The following NOTCH4 variants were observed in gnomAD, a reference collection of about 807,000 sequenced individuals.
NOTCH4 encodes neurogenic locus notch homolog protein 4.
NOTCH4 carries 138 observed loss-of-function variants against 189.0 expected under a neutral mutation model. The observed-to-expected ratio is 0.73, with a 90% CI of 0.64 to 0.84. NOTCH4 has a LOEUF of 0.84. NOTCH4 is among the 40% of genes least tolerant of loss of function. NOTCH4 has a pLI of 0.00. For synonymous variants in NOTCH4, 942 were observed against 1,032.8 expected (o/e 0.91, Z 1.69); for missense variants, 2,286 against 2,605.4 (o/e 0.88, Z 2.67).
chr6:32,198,651 G>A lies in NOTCH4; in HGVS notation c.4615C>T (p.Gln1539Ter), dbSNP rs1174632202. The A allele has an allele frequency of 6.2e-7, 1 of 1,611,772 alleles. No homozygotes were observed. Among genetic ancestry groups the A allele is most frequent in the East Asian group, 2.2e-5 (1 of 44,884 alleles). ...CATTCTTGCCCCAGCCCTTTCACCTGGCCCACCTCCTCTCCCTCCTCAGGG... is the reference window on the plus strand; with the variant it reads ...CATTCTTGCCCCAGCCCTTTCACCTAGCCCACCTCCTCTCCCTCCTCAGGG... ...SGPEEGEEVG[Q>*]AEETGPPSTC... The change falls in exon 25 of 30, where the codon CAG (glutamine) becomes TAG (stop). Residue 1539 changes from glutamine to a stop codon, truncating the protein, a stop_gained and splice_region_variant. Coordinates refer to ENST00000375023, the MANE Select transcript of NOTCH4 (RefSeq NM_004557.4). LOFTEE classifies it high-confidence loss of function. This position sits in a 1 kb window ranked among gnomAD's most constrained non-coding sequence, Gnocchi z 5.5.
chr6:32,218,133 C>A, intron 8 of NOTCH4, 25 bp from the exon 9 acceptor site: 2 of 1,481,716 alleles, frequency 1.3e-6, no homozygotes, highest in Non-Finnish European at 1.9e-6. Context: ...ACCATGAGGG[C>A]TGTGGCTCAG....
Position 32,200,744 on chromosome 6 carries a change from C to T in NOTCH4, c.4315+87G>A, listed in dbSNP as rs1788284419. ...AAGAACATTTTCAGTCTCAGCTGTCCTGTTTGATTCAGCCTCCATTGCCTG... is the reference window on the plus strand; with the variant it reads ...AAGAACATTTTCAGTCTCAGCTGTCTTGTTTGATTCAGCCTCCATTGCCTG... On this transcript the variant is annotated intron_variant, in intron 23 of 29. Coordinates refer to ENST00000375023, the MANE Select transcript of NOTCH4 (RefSeq NM_004557.4). This position sits in a 1 kb window ranked among gnomAD's most constrained non-coding sequence, Gnocchi z 5.0. The T allele has an allele frequency of 8.8e-7, 1 of 1,137,172 alleles. No homozygotes were observed. Among genetic ancestry groups the T allele is most frequent in the South Asian group, 1.6e-5 (1 of 62,510 alleles). The allele number at this position is 1,137,172 out of a possible 1,614,324, so 70.4% of individuals were successfully genotyped here.
In NOTCH4 at chr6:32,220,395, A is replaced by G; in HGVS notation, c.1159+10T>C. ...TACCTCCCACCTCCTGATACCCTCTACCCCCATACCTGTGCGTCCAGGTGG... is the reference window on the plus strand; with the variant it reads ...TACCTCCCACCTCCTGATACCCTCTGCCCCCATACCTGTGCGTCCAGGTGG... On this transcript the variant is annotated intron_variant, in intron 6 of 29. Coordinates refer to ENST00000375023, the MANE Select transcript of NOTCH4 (RefSeq NM_004557.4). 3.1e-6 allele frequency: 5 copies of G among 1,613,340 alleles called. No individual in the cohort carries two copies. Among genetic ancestry groups the G allele is most frequent in the Non-Finnish European group, 3.4e-6 (4 of 1,179,546 alleles).
chr6:32,219,868 G>C (rs902783016), intron 7 of NOTCH4, 82 bp from the exon 8 acceptor site: 2 of 1,218,194 alleles, frequency 1.6e-6, no homozygotes, highest in African/African-American at 3.0e-5. Flanking sequence ...AAGGTGTGGG[G>C]GCCTGCGTGT....
intron 18 of NOTCH4, among the ~76,000 whole-genome samples, chr6:32,206,197 A>G (rs1321199715): frequency 1.3e-5 from 2 of 152,156 alleles, no homozygotes; most frequent in Non-Finnish European, 2.9e-5. Flanking sequence ...TCAAGGTAAT[A>G]CTGGAAGTCC....
intron 18 of NOTCH4, among the ~76,000 whole-genome samples, chr6:32,205,697 G>T (rs1361788174): frequency 1.3e-5 from 2 of 151,712 alleles, no homozygotes; most frequent in African/African-American, 4.8e-5. Context: ...GAAAAAAGAG[G>T]GTAGGTTAGG....
At position 32,210,929 on chromosome 6, in the gene NOTCH4, G is replaced by A. The variant is rs1333571242; in HGVS notation, c.2688C>T (p.Asp896=). 9.4e-6 allele frequency: 15 copies of A among 1,589,932 alleles called. No homozygotes were observed. The highest frequency in any genetic ancestry group is 9.1e-5 in the South Asian group (8 of 87,878). ...CTCCATTGTGGCAAAGGGAAGAGAC[G>A]TCTATGCCTGGGGAGAGAGACAAAC... The part of the protein sequence containing the change: ...CQKAALSQGI[D]VSSLCHNGGL... Residue 896 remains aspartate, a synonymous_variant, in exon 18 of 30, where the codon GAC becomes GAT. Transcript: ENST00000375023. This position sits in a 1 kb window ranked among gnomAD's most constrained non-coding sequence, Gnocchi z 4.8.
rs1463865867 is a variant in NOTCH4 at position 32,197,054 on chromosome 6, G to T, written c.5071C>A (p.Gln1691Lys). The T allele has an allele frequency of 1.2e-6, 2 of 1,612,684 alleles. No homozygotes were observed. Among genetic ancestry groups the T allele is most frequent in the Admixed American group, 1.7e-5 (1 of 60,016 alleles). The stretch of plus-strand genomic sequence containing the variant: ...TCTGTGCGAGCGTCCACTGCAGTTT[G>T]TCTGCTACGGAGCAGAAGCTGGGGA... The part of the protein sequence containing the change: ...EVCQLLLRSR[Q>K]TAVDARTEDG... The change falls in exon 28 of 30, where the codon CAA (glutamine) becomes AAA (lysine). Residue 1691 changes from glutamine to lysine, a missense_variant. Physicochemically the swap from Gln to Lys is moderately conservative, Grantham distance 53 (BLOSUM62 1). This residue lies in a region of NOTCH4 where 1,903 missense variants were observed against 2,261.9 expected (regional missense o/e 0.84). Coordinates refer to ENST00000375023, the MANE Select transcript of NOTCH4 (RefSeq NM_004557.4).
intron 1 of NOTCH4, 88 bp downstream of exon 1, chr6:32,223,768 G>T: frequency 1.5e-6 from 2 of 1,316,604 alleles, no homozygotes; most frequent in South Asian, 1.3e-5. Context: ...TCCCTCACAC[G>T]GCCTGGGGCT....
chr6:32,218,166 T>A, intron 8 of NOTCH4, 58 bp from the exon 9 acceptor site: 1 of 1,148,656 alleles, frequency 8.7e-7, no homozygotes, highest in Non-Finnish European at 1.3e-6. Context: ...GGGAGACCTG[T>A]GTTCTAGAAT....
Position 32,212,348 on chromosome 6 carries a change from C to T in NOTCH4, c.2680+126G>A. ...CCTCTGCAATCAAGAACTGATTTGTCTGTGTGGTTTTGATTCTCAGATGGT... is the reference window on the plus strand; with the variant it reads ...CCTCTGCAATCAAGAACTGATTTGTTTGTGTGGTTTTGATTCTCAGATGGT... On this transcript the variant is annotated intron_variant, in intron 17 of 29. Transcript: ENST00000375023. The surrounding 1 kb of genome is among the most constrained non-coding windows in gnomAD (Gnocchi z 4.4). 1.2e-6 allele frequency: 1 copy of T among 837,088 alleles called. No homozygotes were observed. Among genetic ancestry groups the T allele is most frequent in the Non-Finnish European group, 1.9e-6 (1 of 527,938 alleles). The allele number at this position is 837,088 out of a possible 1,614,324, so 51.9% of individuals were successfully genotyped here. A position where few individuals can be genotyped will look rare whatever the true frequency, so the allele number is the denominator to read the frequency against.
chr6:32,198,951 G>A lies in NOTCH4; in HGVS notation c.4510C>T (p.Leu1504=). Reference sequence around the variant, plus strand: ...TTGAGACCAATGCTGTCCTCGCCTAGTGGGGGCCGGCGTCGGTGGGGAGCT... The same window carrying A: ...TTGAGACCAATGCTGTCCTCGCCTAATGGGGGCCGGCGTCGGTGGGGAGCT... ...QSAPHRRRPP[L]GEDSIGLKAL... The change falls in exon 24 of 30, where the codon CTA becomes TTA. Residue 1504 remains leucine (L), a synonymous_variant. Transcript: ENST00000375023. This position sits in a 1 kb window ranked among gnomAD's most constrained non-coding sequence, Gnocchi z 5.5. 1 of 1,594,848 alleles carries A rather than the reference G, an allele frequency of 6.3e-7. No individual in the cohort carries two copies. The highest frequency in any genetic ancestry group is 1.7e-4 in the Middle Eastern group (1 of 5,966).
At position 32,201,132 on chromosome 6, in the gene NOTCH4, T is replaced by G. The variant is rs750026061; in HGVS notation, c.4124A>C (p.Asp1375Ala). ...PQTQPLGKET[D>A]SLSAGFVVVM... ...AGCTTCTTACCCAGCACTGAGGGAGTCGGTCTCCTTGCCCAGGGGCTGCGT... is the reference window on the plus strand; with the variant it reads ...AGCTTCTTACCCAGCACTGAGGGAGGCGGTCTCCTTGCCCAGGGGCTGCGT... The change falls in exon 22 of 30, where the codon GAC becomes GCC. Residue 1375 changes from aspartate to alanine, a missense_variant. This residue lies in a region of NOTCH4 where 1,903 missense variants were observed against 2,261.9 expected (regional missense o/e 0.84). Transcript: ENST00000375023. This position sits in a 1 kb window ranked among gnomAD's most constrained non-coding sequence, Gnocchi z 5.5. The G allele has an allele frequency of 1.2e-6, 2 of 1,610,358 alleles. No individual in the cohort carries two copies. The highest frequency in any genetic ancestry group is 1.1e-5 in the South Asian group (1 of 90,906).
chr6:32,220,740 G>A lies in NOTCH4; in HGVS notation c.922+16C>T. Reference sequence around the variant, plus strand: ...TCTGGGCCATGGGTGTCATGGATGTGGCTTAAACAACTCACCTGTCCAGGT... The same window carrying A: ...TCTGGGCCATGGGTGTCATGGATGTAGCTTAAACAACTCACCTGTCCAGGT... On this transcript the variant is annotated intron_variant, in intron 5 of 29. Coordinates refer to ENST00000375023, the MANE Select transcript of NOTCH4 (RefSeq NM_004557.4). The A allele has an allele frequency of 1.2e-6, 2 of 1,613,824 alleles. No homozygotes were observed. Among genetic ancestry groups the A allele is most frequent in the South Asian group, 2.2e-5 (2 of 91,018 alleles).
rs1372071491 is a variant in NOTCH4, at chr6:32,221,397, T to C, written c.452-72A>G. Reference sequence around the variant, plus strand: ...TAGCCCATCTGAGGTTACCCAGTGCTCACTCTGGATTATCTCTGGGTCTCA... The same window carrying C: ...TAGCCCATCTGAGGTTACCCAGTGCCCACTCTGGATTATCTCTGGGTCTCA... On this transcript the variant is annotated intron_variant, in intron 3 of 29. Transcript: ENST00000375023. The surrounding 1 kb of genome is among the most constrained non-coding windows in gnomAD (Gnocchi z 4.3). 9.2e-7 allele frequency: 1 copy of C among 1,082,114 alleles called. No individual in the cohort carries two copies. The highest frequency in any genetic ancestry group is 1.6e-5 in the African/African-American group (1 of 63,746). The allele number at this position is 1,082,114 out of a possible 1,614,324, so 67.0% of individuals were successfully genotyped here.
chr6:32,212,731 C>T lies in NOTCH4; in HGVS notation c.2526+93G>A. 2.0e-6 allele frequency: 3 copies of T among 1,488,936 alleles called. No individual in the cohort carries two copies. The highest frequency in any genetic ancestry group is 1.3e-5 in the South Asian group (1 of 75,856). 92.2% of individuals were successfully genotyped at this position (1,488,936 alleles called of 1,614,324 possible). Reference sequence around the variant, plus strand: ...TCCTCGAAATCCCTTACTTCAAAAACCTTCTCCTGAATGGCCTGGGACCAG... The same window carrying T: ...TCCTCGAAATCCCTTACTTCAAAAATCTTCTCCTGAATGGCCTGGGACCAG... On this transcript the variant is annotated intron_variant, in intron 16 of 29. Transcript: ENST00000375023. This position sits in a 1 kb window ranked among gnomAD's most constrained non-coding sequence, Gnocchi z 4.4.
intron 8 of NOTCH4, among the ~76,000 whole-genome samples, chr6:32,218,388 G>T (rs1306833333): frequency 2.0e-5 from 3 of 152,090 alleles, no homozygotes; most frequent in Admixed American, 2.0e-4. Context: ...TACAGAGGGC[G>T]GGGCTCACCA....
intron 3 of NOTCH4, 81 bp downstream of exon 3, chr6:32,222,430 G>C (rs187797951): frequency 1.0e-4 from 129 of 1,270,838 alleles, no homozygotes; most frequent in Admixed American, 3.5e-4. Flanking sequence ...AGTTTCTCAG[G>C]CTCCAGTTCT....
rs1210016575 is a variant in NOTCH4 at position 32,220,784 on chromosome 6, G to A, written c.894C>T (p.Tyr298=). ...TCCAGGTTTCTGGGCAGAGGCAGGT[G>A]TAGGTGTCCAGCCCATCCTGGCAAG... ...GGTCQDGLDT[Y]TCLCPETWTG... is the part of the protein sequence containing the mutation. The change falls in exon 5 of 30, where the codon TAC becomes TAT. Residue 298 remains tyrosine (Y), a synonymous_variant. Coordinates refer to ENST00000375023, the MANE Select transcript of NOTCH4 (RefSeq NM_004557.4). The A allele has an allele frequency of 5.0e-6, 8 of 1,614,066 alleles. No homozygotes were observed. Among genetic ancestry groups the A allele is most frequent in the Non-Finnish European group, 6.8e-6 (8 of 1,180,028 alleles).
Sources: allele counts gnomAD v4.1 joint callset (sites outside exome capture counted in the v4.1 genomes callset), GRCh38; gene constraint gnomAD v4.1.1; regional missense constraint gnomAD v4.1.1; non-coding constraint Gnocchi (gnomAD v3.1); transcripts MANE v1.5; gene names NCBI Gene and HGNC (gene_info 2026-07-23, HGNC 2026-07-21).